Variants in CHST12 observed in about 807,000 individuals in gnomAD.
CHST12 encodes the protein carbohydrate sulfotransferase 12.
Under a neutral mutation model 27.9 loss-of-function variants are expected in CHST12, and 23 were observed. The ratio of observed to expected loss-of-function variants is 0.82; its 90% CI spans 0.59 to 1.17. CHST12 has a LOEUF of 1.17. CHST12 is among the 50% of genes most tolerant of loss of function. The pLI is 0.00. For missense variants in CHST12, 682 were observed against 603.0 expected (o/e 1.13, Z -1.37); for synonymous variants, 322 against 273.0 (o/e 1.18, Z -1.77).
At chr7:2,426,819 C>T (rs1012017405) in intron 1 of CHST12, among the ~76,000 whole-genome samples, 13 of 151,958 alleles carry the variant, frequency 8.6e-5, no homozygotes, top group African/African-American at 2.7e-4. Context: ...GGTGGAGCTC[C>T]ATCCCTACTA....
intron 1 of CHST12, among the ~76,000 whole-genome samples, chr7:2,419,007 AGGCTGGTCTTGAACCCCTT>A (rs1418075950): frequency 4.6e-5 from 7 of 152,228 alleles, no homozygotes; most frequent in African/African-American, 1.7e-4. Flanking sequence ...TGTGTGGACC[AGGCTGGTCTTGAACCCCTT>A]GGCTCAAGCA....
At chr7:2,405,741 C>T (rs1384173765) in intron 1 of CHST12, among the ~76,000 whole-genome samples, 1 of 152,080 alleles carries the variant, frequency 6.6e-6, no homozygotes, top group East Asian at 1.9e-4. Flanking sequence ...GCGAGGGCAG[C>T]CGGGACTTCT....
At chr7:2,429,377 C>CT (rs899251768) in intron 1 of CHST12, among the ~76,000 whole-genome samples, 16 of 150,972 alleles carry the variant, frequency 1.1e-4, no homozygotes, top group East Asian at 1.9e-4. Flanking sequence ...CGCCCGGCCT[C>CT]TTTTTTTTTG....
chr7:2,413,339 G>C (rs1466808862), intron 1 of CHST12, among the ~76,000 whole-genome samples: 1 of 152,202 alleles, frequency 6.6e-6, no homozygotes, highest in African/African-American at 2.4e-5. Context: ...AGCCTCTGGA[G>C]ATCAGCTTCA....
chr7:2,425,307 C>T (rs1782083805), intron 1 of CHST12, among the ~76,000 whole-genome samples: 1 of 151,978 alleles, frequency 6.6e-6, no homozygotes, highest in African/African-American at 2.4e-5. Flanking sequence ...CAGGTGTGGA[C>T]ACAACCACAG....
Position 2,439,558 on chromosome 7 carries a change from TGCACC to T in CHST12, c.*5675_*5679del. 2 of 151,388 alleles carry T rather than the reference TGCACC, an allele frequency of 1.3e-5. No homozygotes were observed. The highest frequency in any genetic ancestry group is 6.6e-5 in the Admixed American group (1 of 15,192). The allele number at this position is 151,388 out of a possible 1,614,324, so 9.4% of individuals were successfully genotyped here. A position where few individuals can be genotyped will look rare whatever the true frequency, so the allele number is the denominator to read the frequency against. ...TCCCAAGTAGCTGGGACTACAGGCATGCACCACCATGCCCGGCTAATTTTTACATT... is the reference window on the plus strand; with the variant it reads ...TCCCAAGTAGCTGGGACTACAGGCATACCATGCCCGGCTAATTTTTACATT... On this transcript the variant is annotated 3_prime_UTR_variant, in exon 2 of 2. Coordinates refer to ENST00000618655, the MANE Select transcript of CHST12 (RefSeq NM_018641.5).
At chr7:2,408,154 G>A (rs1458677434) in intron 1 of CHST12, among the ~76,000 whole-genome samples, 1 of 152,012 alleles carries the variant, frequency 6.6e-6, no homozygotes, top group East Asian at 1.9e-4. Context: ...CGGATCACTT[G>A]AGGCCAGGAG....
At chr7:2,405,004 C>T (rs1781486015) in intron 1 of CHST12, among the ~76,000 whole-genome samples, 2 of 150,786 alleles carry the variant, frequency 1.3e-5, no homozygotes, top group Non-Finnish European at 1.5e-5. Context: ...CGACATTTTC[C>T]GACATTTTCC....
At chr7:2,428,430 T>C (rs1782190913) in intron 1 of CHST12, among the ~76,000 whole-genome samples, 1 of 152,146 alleles carries the variant, frequency 6.6e-6, no homozygotes. Context: ...AACGGGGCTC[T>C]TTTATTTGTT....
Position 2,432,943 on chromosome 7 carries a change from A to G in CHST12, c.304A>G (p.Arg102Gly). The change falls in exon 2 of 2, where the codon AGA becomes GGA. Residue 102 changes from arginine to glycine, a missense_variant. Physicochemically the swap from Arg to Gly is moderately radical, Grantham distance 125. Coordinates refer to ENST00000618655, the MANE Select transcript of CHST12 (RefSeq NM_018641.5). ...PAPGSMEESVRGYDWSPRDAR... is the reference protein window; with the variant it reads ...PAPGSMEESVGGYDWSPRDAR... ...GCCGGGGAGCATGGAGGAGAGCGTG[A>G]GAGGCTACGACTGGTCCCCGCGCGA... 1 of 1,612,156 alleles carries G rather than the reference A, an allele frequency of 6.2e-7. No individual in the cohort carries two copies. Among genetic ancestry groups the G allele is most frequent in the Non-Finnish European group, 8.5e-7 (1 of 1,179,382 alleles).
In CHST12 at chr7:2,434,138, C is replaced by CCGCT. The variant is rs1450855569; in HGVS notation, c.*256_*259dup. 2 of 338,518 alleles carry CCGCT rather than the reference C, an allele frequency of 5.9e-6. No individual in the cohort carries two copies. The highest frequency in any genetic ancestry group is 2.2e-5 in the African/African-American group (1 of 46,434). The allele number at this position is 338,518 out of a possible 1,614,324, so 21.0% of individuals were successfully genotyped here. A position where few individuals can be genotyped will look rare whatever the true frequency, so the allele number is the denominator to read the frequency against. On this transcript the variant is annotated 3_prime_UTR_variant, in exon 2 of 2. Transcript: ENST00000618655. ...CCCGCCCGCCCGCTCGCCCGCTCGC[C>CCGCT]CGCTCCTGTGGTTTTTCTGAGCGTG...
intron 1 of CHST12, among the ~76,000 whole-genome samples, chr7:2,428,051 C>T (rs879921513): frequency 9.2e-5 from 14 of 152,080 alleles, no homozygotes; most frequent in African/African-American, 3.4e-4. Context: ...GATCCACCCA[C>T]CTCGGCCTCC....
At chr7:2,409,625 GAA>G (rs60865098) in intron 1 of CHST12, among the ~76,000 whole-genome samples, 4,317 of 145,934 alleles carry the variant, frequency 0.03, 150 homozygotes, top group African/African-American at 0.074. Flanking sequence ...CTGTCTCAAA[GAA>G]AAAAAAAAAA....
intron 1 of CHST12, among the ~76,000 whole-genome samples, chr7:2,406,960 T>C (rs186478955): frequency 6.6e-6 from 1 of 151,012 alleles, no homozygotes; most frequent in East Asian, 1.9e-4. Context: ...ATCGCGAACA[T>C]GAGGCAAGAA....
intron 1 of CHST12, among the ~76,000 whole-genome samples, chr7:2,432,241 A>G (rs1241707109): frequency 7.3e-6 from 1 of 137,036 alleles, no homozygotes; most frequent in Non-Finnish European, 1.5e-5. Context: ...GCTGGTCTCC[A>G]CTCCCTGGGA....
At chr7:2,425,691 C>CTTTTTTTTTTTTTTTTTT (rs760502452) in intron 1 of CHST12, among the ~76,000 whole-genome samples, 57 of 137,858 alleles carry the variant, frequency 4.1e-4, no homozygotes, top group African/African-American at 1.4e-3. Flanking sequence ...ACTGCATTTG[C>CTTTTTTTTTTTTTTTTTT]TTTTTTTTTT....
intron 1 of CHST12, among the ~76,000 whole-genome samples, chr7:2,417,855 C>T (rs1781850610): frequency 6.6e-6 from 1 of 152,258 alleles, no homozygotes; most frequent in East Asian, 1.9e-4. Flanking sequence ...CTGGGTACCC[C>T]ACGGCCCAGT....
At position 2,433,097 on chromosome 7, in the gene CHST12, A is replaced by G. The variant is rs1426971107; in HGVS notation, c.458A>G (p.Glu153Gly). ...ERAFDDIPNS[E>G]LSHLIVDDRH... is the part of the protein sequence containing the mutation. ...GCATTCGACGACATCCCCAACTCGG[A>G]GCTGAGCCACCTGATCGTGGACGAC... Residue 153 changes from glutamate (E) to glycine (G), a missense_variant, in exon 2 of 2, where the codon GAG becomes GGG. Coordinates refer to ENST00000618655, the MANE Select transcript of CHST12 (RefSeq NM_018641.5). The surrounding 1 kb of genome is among the most constrained non-coding windows in gnomAD (Gnocchi z 6.1). 6.2e-7 allele frequency: 1 copy of G among 1,612,510 alleles called. No individual in the cohort carries two copies. The highest frequency in any genetic ancestry group is 8.5e-7 in the Non-Finnish European group (1 of 1,179,596).
At chr7:2,411,490 C>CTTTTTTTTTTTTTTTTTTT (rs79743047) in intron 1 of CHST12, among the ~76,000 whole-genome samples, 1 of 87,544 alleles carries the variant, frequency 1.1e-5, no homozygotes, top group Non-Finnish European at 2.0e-5. Context: ...TAACTTAACT[C>CTTTTTTTTTTTTTTTTTTT]TTTTTTTTTT....
Sources: allele counts gnomAD v4.1 joint callset (sites outside exome capture counted in the v4.1 genomes callset), GRCh38; gene constraint gnomAD v4.1.1; non-coding constraint Gnocchi (gnomAD v3.1); transcripts MANE v1.5; gene names NCBI Gene and HGNC (gene_info 2026-07-23, HGNC 2026-07-21).